The following WWOX variants were observed in gnomAD, a reference collection of about 807,000 sequenced individuals.
WWOX encodes WW domain-containing oxidoreductase.
In WWOX, 69 loss-of-function variants were observed where a neutral mutation model predicts 46.2. That is an observed-to-expected ratio of 1.49 (90% CI 1.23 to 1.82). The LOEUF (loss-of-function observed/expected upper bound fraction) is 1.82. WWOX is among the 40% of genes most tolerant of loss of function. WWOX has a pLI of 0.00. For synonymous variants in WWOX, 359 were observed against 202.6 expected (o/e 1.77, Z -6.56); for missense variants, 919 against 542.6 (o/e 1.69, Z -6.89).
intron 8 of WWOX, among the ~76,000 whole-genome samples, chr16:78,945,855 C>T (rs986104467): frequency 2.0e-5 from 3 of 152,074 alleles, no homozygotes; most frequent in Non-Finnish European, 4.4e-5. Context: ...ATCTCGTAGT[C>T]ACTGGATAAG....
chr16:78,763,657 T>C (rs1010047476), intron 8 of WWOX, among the ~76,000 whole-genome samples: 2 of 152,212 alleles, frequency 1.3e-5, no homozygotes. Flanking sequence ...CCTAGTACAG[T>C]GCCCTGAACA....
chr16:78,622,114 A>G (rs2673775), intron 8 of WWOX, among the ~76,000 whole-genome samples: 68,041 of 152,028 alleles, frequency 0.45, 17,097 homozygotes, highest in Middle Eastern at 0.58. Flanking sequence ...GCAGCAGATA[A>G]TTTTAGTAAA....
intron 8 of WWOX, among the ~76,000 whole-genome samples, chr16:79,134,332 G>C (rs1405470054): frequency 1.3e-5 from 2 of 152,092 alleles, no homozygotes. Flanking sequence ...AAAGAAAGGT[G>C]GATTTATTGG....
At chr16:78,997,599 G>A (rs978271953) in intron 8 of WWOX, among the ~76,000 whole-genome samples, 1 of 152,040 alleles carries the variant, frequency 6.6e-6, no homozygotes. Flanking sequence ...TCGTGTCACT[G>A]ATCATGCCAA....
chr16:78,208,604 T>A (rs2036466794), intron 5 of WWOX, among the ~76,000 whole-genome samples: 2 of 152,362 alleles, frequency 1.3e-5, no homozygotes, highest in South Asian at 4.1e-4. Context: ...TCCTAATTAA[T>A]TTATGTAATT....
intron 8 of WWOX, among the ~76,000 whole-genome samples, chr16:78,610,442 G>C (rs1271972332): frequency 6.6e-6 from 1 of 152,078 alleles, no homozygotes; most frequent in Non-Finnish European, 1.5e-5. Flanking sequence ...CTTTGAACGA[G>C]GAGCTCAATT....
intron 5 of WWOX, among the ~76,000 whole-genome samples, chr16:78,326,609 C>G (rs2080629354): frequency 8.0e-6 from 1 of 125,500 alleles, no homozygotes; most frequent in Non-Finnish European, 1.6e-5. Flanking sequence ...CAATCTGTGG[C>G]AGAGTTGTTA....
intron 8 of WWOX, among the ~76,000 whole-genome samples, chr16:78,777,404 A>AT (rs1339954572): frequency 6.6e-6 from 1 of 152,066 alleles, no homozygotes. Context: ...TTTTAGTTTA[A>AT]TTTTTTGTAA....
intron 8 of WWOX, among the ~76,000 whole-genome samples, chr16:78,615,875 C>T (rs984442776): frequency 2.6e-5 from 4 of 151,820 alleles, no homozygotes; most frequent in Admixed American, 6.6e-5. Flanking sequence ...CTCAGCCTCC[C>T]GAGTAGTTGG....
intron 8 of WWOX, among the ~76,000 whole-genome samples, chr16:78,787,029 T>A (rs889035415): frequency 6.6e-6 from 1 of 152,132 alleles, no homozygotes; most frequent in Non-Finnish European, 1.5e-5. Context: ...GTGCCTGTAA[T>A]CCCAGGTATT....
intron 8 of WWOX, among the ~76,000 whole-genome samples, chr16:78,658,378 CA>C (rs2047129167): frequency 6.6e-6 from 1 of 152,178 alleles, no homozygotes; most frequent in Non-Finnish European, 1.5e-5. Flanking sequence ...GCCATGTAGT[CA>C]CTAATTTAAT....
intron 8 of WWOX, among the ~76,000 whole-genome samples, chr16:78,884,538 C>T (rs1312530642): frequency 6.6e-6 from 1 of 152,086 alleles, no homozygotes; most frequent in Non-Finnish European, 1.5e-5. Flanking sequence ...GAACTAAATT[C>T]AACAATGTGG....
At chr16:78,752,358 G>C (rs1466640633) in intron 8 of WWOX, among the ~76,000 whole-genome samples, 1 of 152,204 alleles carries the variant, frequency 6.6e-6, no homozygotes, top group African/African-American at 2.4e-5. Flanking sequence ...TGCGATCTCA[G>C]CTTACTGCAA....
At chr16:78,462,522 G>C (rs958994977) in intron 8 of WWOX, among the ~76,000 whole-genome samples, 4 of 152,180 alleles carry the variant, frequency 2.6e-5, no homozygotes, top group African/African-American at 9.6e-5. Flanking sequence ...AGTTATCTGA[G>C]CAAAAGCAAT....
At chr16:78,158,230 A>T (rs2034669198) in intron 4 of WWOX, among the ~76,000 whole-genome samples, 1 of 152,304 alleles carries the variant, frequency 6.6e-6, no homozygotes, top group Middle Eastern at 3.4e-3. Context: ...CAGGAAGATA[A>T]CGGTATGCTG....
chr16:78,564,916 A>G (rs2044528361), intron 8 of WWOX, among the ~76,000 whole-genome samples: 1 of 151,122 alleles, frequency 6.6e-6, no homozygotes, highest in Non-Finnish European at 1.5e-5. Flanking sequence ...TGCAGTTTGT[A>G]TTTATCCATG....
intron 8 of WWOX, among the ~76,000 whole-genome samples, chr16:78,906,402 C>T (rs1477697636): frequency 6.6e-6 from 1 of 152,148 alleles, no homozygotes; most frequent in Non-Finnish European, 1.5e-5. Context: ...TCCTCTCCTT[C>T]CTACTTTCCC....
At chr16:78,376,986 C>A (rs946475448) in intron 5 of WWOX, among the ~76,000 whole-genome samples, 4 of 152,204 alleles carry the variant, frequency 2.6e-5, no homozygotes, top group Non-Finnish European at 4.4e-5. Flanking sequence ...TTGCGACTTG[C>A]GGCAATCACC....
chr16:78,847,135 T>G lies in WWOX; in HGVS notation c.1057-364473T>G, dbSNP rs150715362. On this transcript the variant is annotated intron_variant, in intron 8 of 8. Transcript: ENST00000566780. Reference sequence around the variant, plus strand: ...GACTTCCCTGCCTCAGTCTTGGAATTAACTCATTCTCCATGGAGGCTTGGT... The same window carrying G: ...GACTTCCCTGCCTCAGTCTTGGAATGAACTCATTCTCCATGGAGGCTTGGT... 3.3e-3 allele frequency among the ~76,000 whole-genome samples: 496 copies of G among 152,338 alleles called. 2 individuals are homozygous for G. The highest frequency in any genetic ancestry group is 5.6e-3 in the Non-Finnish European group (379 of 68,024).
Sources: allele counts gnomAD v4.1 joint callset (sites outside exome capture counted in the v4.1 genomes callset), GRCh38; gene constraint gnomAD v4.1.1; transcripts MANE v1.5; gene names NCBI Gene and HGNC (gene_info 2026-07-23, HGNC 2026-07-21).